Variants in PDE6B observed in about 807,000 individuals in gnomAD.
PDE6B encodes rod cGMP-specific 3',5'-cyclic phosphodiesterase subunit beta.
In PDE6B, 106 loss-of-function variants were observed where a neutral mutation model predicts 109.0. The ratio of observed to expected loss-of-function variants is 0.97; its 90% CI spans 0.83 to 1.14. The LOEUF is 1.14. Ranked by LOEUF, PDE6B falls within the 50% of genes most tolerant of loss-of-function variation. The pLI is 0.00. For synonymous variants in PDE6B, 490 were observed against 471.3 expected (o/e 1.04, Z -0.51); for missense variants, 1,193 against 1,155.6 (o/e 1.03, Z -0.47).
chr4:666,435 A>G lies in PDE6B; in HGVS notation c.2269-96A>G. 1 of 816,170 alleles carries G rather than the reference A, an allele frequency of 1.2e-6. No individual in the cohort carries two copies. The highest frequency in any genetic ancestry group is 1.3e-5 in the South Asian group (1 of 74,162). The allele number at this position is 816,170 out of a possible 1,614,324, so 50.6% of individuals were successfully genotyped here. On this transcript the variant is annotated intron_variant, in intron 19 of 21. Coordinates refer to ENST00000496514, the MANE Select transcript of PDE6B (RefSeq NM_000283.4). This position sits in a 1 kb window ranked among gnomAD's most constrained non-coding sequence, Gnocchi z 5.6. ...CAGGCTCGTCCCAGGCTGTGTCTCC[A>G]TGAGCACATCTGAGTGAGGGGGTCG... is the stretch of plus-strand genomic sequence containing the variant.
At chr4:629,418 C>G (rs942670520) in intron 1 of PDE6B, among the ~76,000 whole-genome samples, 6 of 152,220 alleles carry the variant, frequency 3.9e-5, no homozygotes, top group African/African-American at 1.4e-4. Context: ...GACTCACACC[C>G]CAGCTCTGAC....
intron 3 of PDE6B, chr4:652,300 C>T (rs1178813944): frequency 6.5e-6 from 1 of 154,210 alleles, no homozygotes; most frequent in Non-Finnish European, 1.4e-5. Context: ...AGGGCACTGA[C>T]GTGCATGGAC....
chr4:660,222 C>G (rs959051847), intron 11 of PDE6B, among the ~76,000 whole-genome samples: 1 of 152,136 alleles, frequency 6.6e-6, no homozygotes, highest in African/African-American at 2.4e-5. Flanking sequence ...ACAACATCAC[C>G]CTGTCCACCC....
In PDE6B at chr4:663,043, C is replaced by CT; in HGVS notation, c.1833-57_1833-56insT. On this transcript the variant is annotated intron_variant, in intron 14 of 21. Coordinates refer to ENST00000496514, the MANE Select transcript of PDE6B (RefSeq NM_000283.4). The surrounding 1 kb of genome is among the most constrained non-coding windows in gnomAD (Gnocchi z 4.0). ...GGGCCCATCTGGGGGGGCTGCAGAG[C>CT]GCAGGGTGGGCCAAGGGCAGGTCCC... 1.0e-6 allele frequency: 1 copy of CT among 967,114 alleles called. No homozygotes were observed. The allele number at this position is 967,114 out of a possible 1,614,324, so 59.9% of individuals were successfully genotyped here.
intron 1 of PDE6B, among the ~76,000 whole-genome samples, chr4:630,499 C>T (rs1411729961): frequency 1.3e-5 from 2 of 152,094 alleles, no homozygotes; most frequent in African/African-American, 4.8e-5. Flanking sequence ...TTTGCAGTCT[C>T]GATGGCAGAC....
At chr4:640,808 C>G (rs765780315) in intron 3 of PDE6B, among the ~76,000 whole-genome samples, 3 of 152,174 alleles carry the variant, frequency 2.0e-5, no homozygotes, top group Admixed American at 6.5e-5. Context: ...ACCTTTTCTC[C>G]GTCGTATTGC....
intron 3 of PDE6B, among the ~76,000 whole-genome samples, chr4:650,463 C>T (rs1029481368): frequency 1.3e-5 from 2 of 152,230 alleles, no homozygotes; most frequent in Admixed American, 6.5e-5. Context: ...GGCTCCCCTT[C>T]GATCTGGAGT....
chr4:664,129 T>A lies in PDE6B; in HGVS notation c.2037T>A (p.Phe679Leu). The change falls in exon 17 of 22, where the codon TTT becomes TTA. Residue 679 changes from phenylalanine to leucine, a missense_variant. Coordinates refer to ENST00000496514, the MANE Select transcript of PDE6B (RefSeq NM_000283.4). ...LALYFKKRAMFQKIVDESKNY... is the reference protein window; with the variant it reads ...LALYFKKRAMLQKIVDESKNY... The stretch of plus-strand genomic sequence containing the variant: ...CTGGGTTCAGGAAGAGAGCGATGTT[T>A]CAGAAGATCGTGGATGAGTCCAAGA... 6.2e-7 allele frequency: 1 copy of A among 1,609,432 alleles called. No homozygotes were observed. The highest frequency in any genetic ancestry group is 8.5e-7 in the Non-Finnish European group (1 of 1,175,996).
chr4:657,266 C>T (rs779952653), intron 9 of PDE6B, 85 bp from the exon 10 acceptor site: 526 of 1,520,588 alleles, frequency 3.5e-4, no homozygotes, highest in Non-Finnish European at 4.5e-4. Context: ...GACCTGCCCG[C>T]CGAGCCACGG....
At chr4:657,731 G>A (rs372600702) in intron 10 of PDE6B, among the ~76,000 whole-genome samples, 2 of 131,866 alleles carry the variant, frequency 1.5e-5, no homozygotes, top group Non-Finnish European at 3.3e-5. Context: ...GCTGTGCGGC[G>A]GGGGCAGGGC....
intron 1 of PDE6B, among the ~76,000 whole-genome samples, chr4:627,517 C>T (rs1015131854): frequency 1.3e-5 from 2 of 152,202 alleles, no homozygotes; most frequent in African/African-American, 2.4e-5. Flanking sequence ...CAGTAATCCC[C>T]GGGTTACCTT....
Position 666,965 on chromosome 4 carries a change from T to A in PDE6B, c.2352+351T>A, listed in dbSNP as rs929970639. Among the ~76,000 whole-genome samples the A allele has an allele frequency of 6.6e-5, 10 of 152,224 alleles. No homozygotes were observed. The highest frequency in any genetic ancestry group is 2.4e-4 in the African/African-American group (10 of 41,454). ...CTGTTTTGGGGGCCTTGGCTGCAGC[T>A]CTGTGGGTTCATTTGTTCCATGTTT... On this transcript the variant is annotated intron_variant, in intron 20 of 21. Coordinates refer to ENST00000496514, the MANE Select transcript of PDE6B (RefSeq NM_000283.4). The surrounding 1 kb of genome is among the most constrained non-coding windows in gnomAD (Gnocchi z 5.6).
At position 663,961 on chromosome 4, in the gene PDE6B, G is replaced by C. The variant is rs868722590; in HGVS notation, c.2021+91G>C. On this transcript the variant is annotated intron_variant, in intron 16 of 21. Transcript: ENST00000496514. This position sits in a 1 kb window ranked among gnomAD's most constrained non-coding sequence, Gnocchi z 4.0. ...CGGGGGCGCAGCGGCGGCACAGCCC[G>C]GGGGACGCAGCCCCGGATTCCGTCC... The C allele has an allele frequency of 6.3e-6, 7 of 1,112,428 alleles. No individual in the cohort carries two copies. The Middle Eastern group carries it at 8.3e-4, about 132-fold the overall frequency. The allele number at this position is 1,112,428 out of a possible 1,614,324, so 68.9% of individuals were successfully genotyped here.
chr4:634,263 T>A (rs1479480948), intron 1 of PDE6B, among the ~76,000 whole-genome samples: 1 of 151,716 alleles, frequency 6.6e-6, no homozygotes, highest in South Asian at 2.1e-4. Flanking sequence ...AGTGTAGGAG[T>A]GTCCTGCAGG....
Position 665,698 on chromosome 4 carries a change from C to T in PDE6B, c.2268+369C>T, listed in dbSNP as rs1737716776. On this transcript the variant is annotated intron_variant, in intron 19 of 21. Transcript: ENST00000496514. This position sits in a 1 kb window ranked among gnomAD's most constrained non-coding sequence, Gnocchi z 4.0. ...AGAACGCATGGGGGGCGTCCCGGGC[C>T]CACACAGTGGTATGATGGACAATGC... Among the ~76,000 whole-genome samples the T allele has an allele frequency of 6.6e-6, 1 of 152,164 alleles. No individual in the cohort carries two copies. Among genetic ancestry groups the T allele is most frequent in the Non-Finnish European group, 1.5e-5 (1 of 68,016 alleles).
Position 644,133 on chromosome 4 carries a change from G to A in PDE6B, c.711+8164G>A, listed in dbSNP as rs111761741. 1.3e-4 allele frequency among the ~76,000 whole-genome samples: 19 copies of A among 151,740 alleles called. 2 individuals are homozygous for A. The highest frequency in any genetic ancestry group is 4.6e-4 in the African/African-American group (19 of 41,218). On this transcript the variant is annotated intron_variant, in intron 3 of 21. Coordinates refer to ENST00000496514, the MANE Select transcript of PDE6B (RefSeq NM_000283.4). ...GGGGTTTCACCATGTTGGCCAGGAT[G>A]GTCTCGATCTCTCGACCTCGTGATC...
At chr4:641,639 T>G (rs558558986) in intron 3 of PDE6B, among the ~76,000 whole-genome samples, 2 of 151,908 alleles carry the variant, frequency 1.3e-5, no homozygotes, top group Admixed American at 1.3e-4. Context: ...AGACACACGT[T>G]TTTTGTTTTT....
At position 648,669 on chromosome 4, in the gene PDE6B, A is replaced by G. The variant is rs891132592; in HGVS notation, c.712-5183A>G. ...AGCCAACAGAGGCCGCAGGAAAGCC[A>G]TGGGTTAGGCCCTACAGAGCTCAGG... On this transcript the variant is annotated intron_variant, in intron 3 of 21. Transcript: ENST00000496514. The surrounding 1 kb of genome is among the most constrained non-coding windows in gnomAD (Gnocchi z 4.5). 6.6e-6 allele frequency among the ~76,000 whole-genome samples: 1 copy of G among 152,168 alleles called. No individual in the cohort carries two copies. Among genetic ancestry groups the G allele is most frequent in the African/African-American group, 2.4e-5 (1 of 41,436 alleles).
At chr4:661,820 A>G (rs1577295814) in intron 12 of PDE6B, 2 of 418,742 alleles carry the variant, frequency 4.8e-6, no homozygotes, top group East Asian at 5.1e-5. Context: ...AATATGCTGC[A>G]TCCCCAGGGG....
Sources: gnomAD v4.1 joint callset for allele counts (sites outside exome capture counted in the v4.1 genomes callset) on GRCh38, gnomAD v4.1.1 for gene constraint, Gnocchi (gnomAD v3.1) non-coding constraint, MANE v1.5 for transcripts, NCBI Gene and HGNC (gene_info 2026-07-23, HGNC 2026-07-21) for gene names.